ABTB3: variants seen among roughly 807,000 people sequenced by gnomAD.
ABTB3 encodes ankyrin repeat and BTB domain containing 3, also known as ankyrin repeat- and BTB/POZ domain-containing protein 3.
At chr12:107,547,689 T>C in the ABTB3 span, among the ~76,000 whole-genome samples, 2 of 152,202 alleles carry the variant, frequency 1.3e-5, no homozygotes, top group Non-Finnish European at 2.9e-5. Flanking sequence ...CTGGGAAGCA[T>C]GTGGATTGGA....
the ABTB3 span, among the ~76,000 whole-genome samples, chr12:107,340,946 T>C: frequency 6.6e-6 from 1 of 152,074 alleles, no homozygotes; most frequent in Admixed American, 6.6e-5. Flanking sequence ...GAGACAAAGA[T>C]GAATACAATG....
the ABTB3 span, among the ~76,000 whole-genome samples, chr12:107,469,952 CT>C: frequency 3.3e-5 from 2 of 60,738 alleles, no homozygotes; most frequent in Non-Finnish European, 5.9e-5. Flanking sequence ...CTCTTTCTTT[CT>C]TTCTTTCTTT....
the ABTB3 span, among the ~76,000 whole-genome samples, chr12:107,543,411 T>G: frequency 6.7e-6 from 1 of 149,242 alleles, no homozygotes; most frequent in African/African-American, 2.5e-5. Context: ...GGCAGGGTGG[T>G]TCTAGAGGGG....
the ABTB3 span, among the ~76,000 whole-genome samples, chr12:107,535,457 C>CA: frequency 6.6e-6 from 1 of 151,978 alleles, no homozygotes; most frequent in South Asian, 2.1e-4. Context: ...GCATCCACAT[C>CA]AAAAAACAGG....
the ABTB3 span, among the ~76,000 whole-genome samples, chr12:107,461,840 C>A: frequency 6.6e-6 from 1 of 152,132 alleles, no homozygotes; most frequent in African/African-American, 2.4e-5. Context: ...GCCTGGCACT[C>A]GGCATAATCA....
the ABTB3 span, among the ~76,000 whole-genome samples, chr12:107,578,213 T>C: frequency 6.6e-6 from 1 of 151,962 alleles, no homozygotes; most frequent in Non-Finnish European, 1.5e-5. Context: ...TATATACTAT[T>C]AAGGTCAGAG....
chr12:107,547,348 G>A, the ABTB3 span, among the ~76,000 whole-genome samples: 2 of 152,166 alleles, frequency 1.3e-5, no homozygotes, highest in African/African-American at 4.8e-5. Context: ...CTCGCCATGT[G>A]ACATCCTCCC....
the ABTB3 span, chr12:107,618,209 C>G: frequency 6.2e-7 from 1 of 1,614,138 alleles, no homozygotes; most frequent in Non-Finnish European, 8.5e-7. Context: ...AGAGTGATAT[C>G]CTGTCCCTGG....
At chr12:107,630,002 T>C in the ABTB3 span, among the ~76,000 whole-genome samples, 2 of 151,962 alleles carry the variant, frequency 1.3e-5, no homozygotes. Flanking sequence ...TCGTATTGGG[T>C]CCCAGGTAAC....
the ABTB3 span, among the ~76,000 whole-genome samples, chr12:107,570,413 C>T: frequency 6.6e-6 from 1 of 152,128 alleles, no homozygotes; most frequent in Non-Finnish European, 1.5e-5. Context: ...TGGTGTTTCT[C>T]CATGTTGGCC....
At chr12:107,617,112 G>T in the ABTB3 span, 8 of 1,614,114 alleles carry the variant, frequency 5.0e-6, no homozygotes, top group Non-Finnish European at 6.8e-6. Flanking sequence ...CTGGGGCCAA[G>T]GTGGAAGGCT....
the ABTB3 span, among the ~76,000 whole-genome samples, chr12:107,576,547 C>T: frequency 1.8e-4 from 28 of 152,240 alleles, no homozygotes; most frequent in Admixed American, 4.6e-4. Context: ...CTAATGGCCT[C>T]ATTTTAACTT....
the ABTB3 span, among the ~76,000 whole-genome samples, chr12:107,565,203 T>C: frequency 6.6e-6 from 1 of 152,192 alleles, no homozygotes; most frequent in East Asian, 1.9e-4. Flanking sequence ...AGCTCCCCTG[T>C]TAGGCACTTT....
At chr12:107,408,224 A>G in the ABTB3 span, among the ~76,000 whole-genome samples, 1 of 152,226 alleles carries the variant, frequency 6.6e-6, no homozygotes, top group Non-Finnish European at 1.5e-5. Flanking sequence ...AAGGAGAGAA[A>G]GGCAGAGAAG....
chr12:107,543,942 G>A, the ABTB3 span: 1 of 1,612,888 alleles, frequency 6.2e-7, no homozygotes, highest in Admixed American at 1.7e-5. Flanking sequence ...CAGGTGACCT[G>A]GTGTCCCGTG....
At chr12:107,543,769 A>G in the ABTB3 span, among the ~76,000 whole-genome samples, 1 of 151,928 alleles carries the variant, frequency 6.6e-6, no homozygotes, top group African/African-American at 2.4e-5. Flanking sequence ...ATGCTGAATG[A>G]ATGAATCCAT....
At chr12:107,468,132 G>A in the ABTB3 span, among the ~76,000 whole-genome samples, 1 of 152,256 alleles carries the variant, frequency 6.6e-6, no homozygotes, top group Non-Finnish European at 1.5e-5. Flanking sequence ...GCTGAGGTCA[G>A]CTGAATTAAG....
At chr12:107,318,465 C>A in the ABTB3 span, 3 of 154,588 alleles carry the variant, frequency 1.9e-5, no homozygotes, top group African/African-American at 7.2e-5. Flanking sequence ...CGGTGCAGGG[C>A]AGGCTGGCGC....
At chr12:107,335,875 T>C in the ABTB3 span, among the ~76,000 whole-genome samples, 1 of 152,066 alleles carries the variant, frequency 6.6e-6, no homozygotes, top group Non-Finnish European at 1.5e-5. Context: ...AGACAGGGCA[T>C]GAGGAGAACC....
Sources: allele counts gnomAD v4.1 joint callset (sites outside exome capture counted in the v4.1 genomes callset), GRCh38; gene constraint gnomAD v4.1.1; transcripts MANE v1.5; gene names NCBI Gene and HGNC (gene_info 2026-07-23, HGNC 2026-07-21).